FNDC3A: variants seen among roughly 807,000 people sequenced by gnomAD.
The protein encoded by FNDC3A is fibronectin type III domain containing 3A, also known as fibronectin type-III domain-containing protein 3A.
FNDC3A carries 32 observed loss-of-function variants against 148.9 expected under a neutral mutation model. The observed-to-expected ratio is 0.21, with a 90% CI of 0.16 to 0.29. The LOEUF is 0.29. Among genes scored for constraint, FNDC3A ranks in the 10% least tolerant of loss-of-function variants. The pLI is 1.00. For synonymous variants in FNDC3A, 472 were observed against 473.6 expected, an observed-to-expected ratio of 1.00 and a Z score of 0.04; for missense variants, 1,191 against 1,452.8, an observed-to-expected ratio of 0.82 and a Z score of 2.93.
At chr13:49,027,257 C>T (rs1219105646) in intron 2 of FNDC3A, among the ~76,000 whole-genome samples, 7 of 152,100 alleles carry the variant, frequency 4.6e-5, no homozygotes, top group Admixed American at 3.9e-4. Context: ...TTCTACAACC[C>T]TTGGTTCTAG....
intron 4 of FNDC3A, among the ~76,000 whole-genome samples, chr13:49,116,127 C>G (rs978693165): frequency 6.6e-6 from 1 of 152,154 alleles, no homozygotes; most frequent in Non-Finnish European, 1.5e-5. Flanking sequence ...ATCTGCTGTT[C>G]TCTCATCTTA....
chr13:49,003,526 A>G (rs1952166175), intron 1 of FNDC3A, among the ~76,000 whole-genome samples: 1 of 152,180 alleles, frequency 6.6e-6, no homozygotes, highest in African/African-American at 2.4e-5. Flanking sequence ...TTTTTAAAAG[A>G]AATTACAATT....
Position 49,185,985 on chromosome 13 carries a change from G to T in FNDC3A, c.1639G>T (p.Gly547Cys). Reference sequence around the variant, plus strand: ...ACAGGTTATTGCTTACAACTCAGAAGGTAAAAGTAATCCAAGTGAAGTAGT... The same window carrying T: ...ACAGGTTATTGCTTACAACTCAGAATGTAAAAGTAATCCAAGTGAAGTAGT... Reference protein sequence around the residue: ...KFKVIAYNSEGKSNPSEVVEF... With the variant: ...KFKVIAYNSECKSNPSEVVEF... The change falls in exon 15 of 26, where the codon GGT becomes TGT. Residue 547 changes from glycine to cysteine, a missense_variant. Gly to Cys is a radical substitution (Grantham distance 159). Transcript: ENST00000492622. 1 of 1,611,814 alleles carries T rather than the reference G, an allele frequency of 6.2e-7. No homozygotes were observed. The highest frequency in any genetic ancestry group is 2.2e-5 in the East Asian group (1 of 44,760).
intron 2 of FNDC3A, among the ~76,000 whole-genome samples, chr13:49,012,349 G>T (rs547290694): frequency 6.6e-6 from 1 of 151,940 alleles, no homozygotes; most frequent in Non-Finnish European, 1.5e-5. Flanking sequence ...TCCTGACCTC[G>T]TGATCTGCCC....
intron 2 of FNDC3A, among the ~76,000 whole-genome samples, chr13:49,023,917 A>G (rs1409602736): frequency 6.6e-6 from 1 of 151,958 alleles, no homozygotes; most frequent in Admixed American, 6.5e-5. Context: ...TTCTCCTTTC[A>G]TATAAAAATA....
chr13:49,187,355 T>TTA, intron 16 of FNDC3A, 165 bp downstream of exon 16: 1 of 820,842 alleles, frequency 1.2e-6, no homozygotes, highest in Non-Finnish European at 1.9e-6. Context: ...TTTTTTTTTT[T>TTA]AATGTCATAA....
intron 1 of FNDC3A, among the ~76,000 whole-genome samples, chr13:48,999,271 A>T (rs1366015848): frequency 6.6e-6 from 1 of 152,246 alleles, no homozygotes; most frequent in East Asian, 1.9e-4. Flanking sequence ...ATGATTCTCA[A>T]GCCTTAAGAT....
intron 4 of FNDC3A, among the ~76,000 whole-genome samples, chr13:49,116,354 A>G (rs1336356329): frequency 6.6e-6 from 1 of 152,198 alleles, no homozygotes; most frequent in Non-Finnish European, 1.5e-5. Flanking sequence ...CCTATGTTCA[A>G]CAGTGTTCCA....
intron 1 of FNDC3A, among the ~76,000 whole-genome samples, chr13:48,985,922 G>A (rs146094302): frequency 4.7e-4 from 71 of 152,354 alleles, no homozygotes; most frequent in African/African-American, 1.6e-3. Context: ...GATTGGTCCT[G>A]ATTAGGACCA....
chr13:49,170,836 T>A (rs1884717551), intron 10 of FNDC3A, among the ~76,000 whole-genome samples: 1 of 152,192 alleles, frequency 6.6e-6, no homozygotes, highest in Non-Finnish European at 1.5e-5. Flanking sequence ...TAGGTTAAGG[T>A]GGACATTTTA....
In FNDC3A at chr13:48,998,790, G is replaced by A. The variant is rs139237928; in HGVS notation, c.-39-7362G>A. On this transcript the variant is annotated intron_variant, in intron 1 of 25. Coordinates refer to ENST00000492622, the MANE Select transcript of FNDC3A (RefSeq NM_001079673.2). ...ACATCAAAGGGGTGGCTGGCTGACCGTTTGCTAAGAAGATTAGCATGGGTG... is the reference window on the plus strand; with the variant it reads ...ACATCAAAGGGGTGGCTGGCTGACCATTTGCTAAGAAGATTAGCATGGGTG... Among the ~76,000 whole-genome samples, 47 of 152,264 alleles carry A rather than the reference G, an allele frequency of 3.1e-4. 1 individual carries two copies. In the East Asian group the frequency reaches 7.1e-3, roughly 23 times the overall value.
At chr13:49,095,865 T>G (rs1265036452) in intron 3 of FNDC3A, among the ~76,000 whole-genome samples, 3 of 152,116 alleles carry the variant, frequency 2.0e-5, no homozygotes, top group African/African-American at 7.2e-5. Context: ...CGTGCATTTA[T>G]CTACTGTCAT....
intron 2 of FNDC3A, among the ~76,000 whole-genome samples, chr13:49,072,452 ATCTC>A (rs1459891985): frequency 3.3e-5 from 5 of 151,868 alleles, no homozygotes; most frequent in African/African-American, 9.7e-5. Flanking sequence ...TATTCTGTTG[ATCTC>A]TCTGTCTGTT....
At chr13:49,023,462 T>G (rs1054299426) in intron 2 of FNDC3A, among the ~76,000 whole-genome samples, 1 of 151,520 alleles carries the variant, frequency 6.6e-6, no homozygotes, top group African/African-American at 2.4e-5. Context: ...ATATTTAATA[T>G]GTTTTTAAAA....
intron 17 of FNDC3A, among the ~76,000 whole-genome samples, chr13:49,189,756 C>T (rs1885786562): frequency 6.6e-6 from 1 of 152,160 alleles, no homozygotes; most frequent in Non-Finnish European, 1.5e-5. Context: ...AAATCCTGTT[C>T]TACTATAGCA....
At chr13:49,137,198 T>A (rs921195157) in intron 6 of FNDC3A, among the ~76,000 whole-genome samples, 7 of 152,198 alleles carry the variant, frequency 4.6e-5, no homozygotes, top group African/African-American at 1.7e-4. Flanking sequence ...TATCATTTAC[T>A]AATCTCTCTA....
chr13:49,182,558 T>C (rs896131776), intron 14 of FNDC3A, among the ~76,000 whole-genome samples: 2 of 152,034 alleles, frequency 1.3e-5, no homozygotes, highest in Non-Finnish European at 2.9e-5. Context: ...TTTTTTTTTT[T>C]CCAGTCCCCA....
chr13:49,097,467 T>A (rs1361974631), intron 3 of FNDC3A, among the ~76,000 whole-genome samples: 1 of 152,088 alleles, frequency 6.6e-6, no homozygotes, highest in African/African-American at 2.4e-5. Context: ...TGTTTTCATG[T>A]TAGTCTATGT....
At chr13:49,106,453 C>T (rs1296837735) in intron 3 of FNDC3A, among the ~76,000 whole-genome samples, 1 of 152,046 alleles carries the variant, frequency 6.6e-6, no homozygotes, top group African/African-American at 2.4e-5. Context: ...ACTGGGACCA[C>T]AGGCATGCAC....
Sources: allele counts gnomAD v4.1 joint callset (sites outside exome capture counted in the v4.1 genomes callset), GRCh38; gene constraint gnomAD v4.1.1; transcripts MANE v1.5; gene names NCBI Gene and HGNC (gene_info 2026-07-23, HGNC 2026-07-21).